Variants in STARD13 observed in about 807,000 individuals in gnomAD.
The protein encoded by STARD13 is stAR-related lipid transfer protein 13.
STARD13 carries 62 observed loss-of-function variants against 106.4 expected under a neutral mutation model. The ratio of observed to expected loss-of-function variants is 0.58; its 90% CI spans 0.48 to 0.72. The LOEUF (loss-of-function observed/expected upper bound fraction) is 0.72, where lower values mean the gene tolerates loss of function less well. STARD13 is among the 30% of genes least tolerant of loss of function. STARD13 has a pLI of 0.00. For missense variants in STARD13, 1,387 were observed against 1,424.0 expected, an observed-to-expected ratio of 0.97 and a Z score of 0.42; for synonymous variants, 565 against 553.0, an observed-to-expected ratio of 1.02 and a Z score of -0.31.
chr13:33,590,511 A>G, the STARD13 span, among the ~76,000 whole-genome samples: 2 of 151,934 alleles, frequency 1.3e-5, no homozygotes, highest in African/African-American at 4.8e-5. Flanking sequence ...ATGGAATGCT[A>G]TGCAGCCATA....
chr13:33,552,602 T>C, the STARD13 span, among the ~76,000 whole-genome samples: 2 of 152,192 alleles, frequency 1.3e-5, no homozygotes, highest in African/African-American at 4.8e-5. Context: ...ATGTAAATTA[T>C]ACCTCAAAGC....
intron 3 of STARD13, among the ~76,000 whole-genome samples, chr13:33,157,220 T>C (rs966474231): frequency 6.6e-6 from 1 of 152,160 alleles, no homozygotes; most frequent in Admixed American, 6.5e-5. Context: ...TTTTAAATAC[T>C]AAGGGCAATG....
the STARD13 span, among the ~76,000 whole-genome samples, chr13:33,502,772 T>C: frequency 2.0e-5 from 3 of 152,254 alleles, no homozygotes; most frequent in Non-Finnish European, 4.4e-5. Flanking sequence ...GATGTGCTGC[T>C]AGATTCGGTT....
At chr13:33,618,174 A>G in the STARD13 span, among the ~76,000 whole-genome samples, 267 of 152,372 alleles carry the variant, frequency 1.8e-3, no homozygotes, top group African/African-American at 6.2e-3. Context: ...TTAACTCTCC[A>G]TTAATGGATT....
intron 2 of STARD13, among the ~76,000 whole-genome samples, chr13:33,167,315 TAA>T (rs1271835592): frequency 1.3e-5 from 2 of 151,964 alleles, no homozygotes; most frequent in African/African-American, 2.4e-5. Flanking sequence ...GGGTTTGCGG[TAA>T]AGAGATGGGA....
At chr13:33,368,947 C>G in the STARD13 span, among the ~76,000 whole-genome samples, 2 of 152,108 alleles carry the variant, frequency 1.3e-5, no homozygotes, top group African/African-American at 4.8e-5. Flanking sequence ...TGACCAAGAC[C>G]ATGGAAGCCA....
At chr13:33,317,160 C>CTAAA (rs1278129123) in intron 1 of STARD13, among the ~76,000 whole-genome samples, 1 of 152,104 alleles carries the variant, frequency 6.6e-6, no homozygotes, top group African/African-American at 2.4e-5. Flanking sequence ...ACTTTAAACA[C>CTAAA]TAAATATATC....
chr13:33,670,636 G>A, the STARD13 span, among the ~76,000 whole-genome samples: 444 of 152,200 alleles, frequency 2.9e-3, 2 homozygotes, highest in African/African-American at 9.8e-3. Flanking sequence ...TCCTTTTGGC[G>A]TTATATTCAG....
chr13:33,231,002 T>C (rs1566087554), intron 1 of STARD13, among the ~76,000 whole-genome samples: 1 of 152,132 alleles, frequency 6.6e-6, no homozygotes, highest in African/African-American at 2.4e-5. Context: ...ACTGGAGAGA[T>C]TGGGACACTA....
At chr13:33,616,209 A>C in the STARD13 span, among the ~76,000 whole-genome samples, 1 of 144,028 alleles carries the variant, frequency 6.9e-6, no homozygotes, top group Admixed American at 7.1e-5. Context: ...AGGGAAAAGG[A>C]GAGGAGAGGA....
the STARD13 span, among the ~76,000 whole-genome samples, chr13:33,615,054 G>C: frequency 6.6e-6 from 1 of 152,162 alleles, no homozygotes; most frequent in Non-Finnish European, 1.5e-5. Flanking sequence ...GGAGGATACT[G>C]ACTTGGACAA....
At chr13:33,407,132 C>T in the STARD13 span, among the ~76,000 whole-genome samples, 3 of 152,154 alleles carry the variant, frequency 2.0e-5, no homozygotes, top group East Asian at 1.9e-4. Context: ...TCCAGCAGCA[C>T]GCATGTAAAA....
At chr13:33,372,933 A>T in the STARD13 span, among the ~76,000 whole-genome samples, 1 of 152,310 alleles carries the variant, frequency 6.6e-6, no homozygotes, top group East Asian at 1.9e-4. Flanking sequence ...GAATTTGATT[A>T]CATTAAGACC....
At chr13:33,455,560 T>G in the STARD13 span, among the ~76,000 whole-genome samples, 1 of 152,192 alleles carries the variant, frequency 6.6e-6, no homozygotes, top group African/African-American at 2.4e-5. Flanking sequence ...AACAAGAGCC[T>G]GCCAGCTAAA....
intron 1 of STARD13, among the ~76,000 whole-genome samples, chr13:33,170,899 G>A (rs1883883963): frequency 6.6e-6 from 1 of 152,074 alleles, no homozygotes; most frequent in African/African-American, 2.4e-5. Context: ...TCCAATTGAG[G>A]GGGGAAGGGT....
At chr13:33,481,178 T>C in the STARD13 span, among the ~76,000 whole-genome samples, 1 of 151,780 alleles carries the variant, frequency 6.6e-6, no homozygotes, top group Non-Finnish European at 1.5e-5. Flanking sequence ...CAATATGAAT[T>C]GTACCAAGAC....
At chr13:33,477,612 G>A in the STARD13 span, among the ~76,000 whole-genome samples, 1 of 152,130 alleles carries the variant, frequency 6.6e-6, no homozygotes, top group African/African-American at 2.4e-5. Context: ...GACATGCCTT[G>A]TTATATCCTC....
chr13:33,542,941 G>C, the STARD13 span, among the ~76,000 whole-genome samples: 3 of 152,200 alleles, frequency 2.0e-5, no homozygotes, highest in Non-Finnish European at 4.4e-5. Flanking sequence ...GGACGGGGAG[G>C]GACCCGAGTC....
At chr13:33,326,099 A>G (rs2077773227) in intron 1 of STARD13, among the ~76,000 whole-genome samples, 1 of 151,766 alleles carries the variant, frequency 6.6e-6, no homozygotes, top group Admixed American at 6.6e-5. Flanking sequence ...TCTCTCCTCC[A>G]GAAACACAAG....
Sources: gnomAD v4.1 joint callset for allele counts (sites outside exome capture counted in the v4.1 genomes callset) on GRCh38, gnomAD v4.1.1 for gene constraint, MANE v1.5 for transcripts, NCBI Gene and HGNC (gene_info 2026-07-23, HGNC 2026-07-21) for gene names.